The following TAB3 variants were observed in gnomAD, a reference collection of about 807,000 sequenced individuals.
TAB3 encodes the protein TGF-beta-activated kinase 1 and MAP3K7-binding protein 3.
Under a neutral mutation model 48.1 loss-of-function variants are expected in TAB3, and 18 were observed. The ratio of observed to expected loss-of-function variants is 0.37; its 90% confidence interval spans 0.26 to 0.55. The LOEUF (loss-of-function observed/expected upper bound fraction) is 0.55, where lower values mean the gene tolerates loss of function less well. Among genes scored for constraint, TAB3 ranks in the 20% least tolerant of loss-of-function variants. The pLI is 0.78. For synonymous variants in TAB3, 185 were observed against 190.2 expected (o/e 0.97, Z 0.22); for missense variants, 414 against 549.8 (o/e 0.75, Z 2.47).
At chrX:30,885,672 A>G (rs1395719635) in intron 1 of TAB3, among the ~76,000 whole-genome samples, 1 of 111,886 alleles carries the variant, frequency 8.9e-6, no homozygotes. Context: ...ATGAGTGTAC[A>G]GTGCCTGTTC....
intron 6 of TAB3, among the ~76,000 whole-genome samples, chrX:30,853,242 G>A (rs1486505495): frequency 3.6e-5 from 4 of 112,042 alleles, no homozygotes; most frequent in Non-Finnish European, 7.5e-5. Flanking sequence ...CTTATATACT[G>A]AAAGAAAACT....
intron 4 of TAB3, among the ~76,000 whole-genome samples, chrX:30,860,811 A>G (rs908818922): frequency 8.9e-6 from 1 of 112,146 alleles, no homozygotes; most frequent in Non-Finnish European, 1.9e-5. Context: ...GAAGTATTCT[A>G]TCAATGTTAA....
chrX:30,880,844 A>C (rs1414725751), intron 1 of TAB3, among the ~76,000 whole-genome samples: 3 of 111,596 alleles, frequency 2.7e-5, no homozygotes, highest in Non-Finnish European at 5.7e-5. Flanking sequence ...TAACATTTAA[A>C]AAAATTTAAC....
At chrX:30,847,673 A>T (rs1387007081) in intron 7 of TAB3, among the ~76,000 whole-genome samples, 2 of 111,141 alleles carry the variant, frequency 1.8e-5, no homozygotes, top group African/African-American at 6.5e-5. Flanking sequence ...ACAGAACAAA[A>T]TCCTATTCTG....
Position 30,868,465 on chromosome X carries a change from AGCT to A in TAB3, c.-279-919_-279-917del, listed in dbSNP as rs1428193573. On this transcript the variant is annotated intron_variant, in intron 2 of 10. Coordinates refer to ENST00000288422, the MANE Select transcript of TAB3 (RefSeq NM_152787.5). ...ATATATATAGCTTATATATATATAT[AGCT>A]TATATATATAGCTTATATATATATA... Among the ~76,000 whole-genome samples, 26 of 34,669 alleles carry A rather than the reference AGCT, an allele frequency of 7.5e-4. 2 individuals carry two copies. Among genetic ancestry groups the A allele is most frequent in the African/African-American group, 3.1e-3 (23 of 7,340 alleles). The allele number at this position is 34,669 out of a possible 115,157, so 30.1% of individuals were successfully genotyped here.
chrX:30,877,289 AAC>A (rs940431867), intron 1 of TAB3, among the ~76,000 whole-genome samples: 13 of 112,166 alleles, frequency 1.2e-4, no homozygotes, highest in Non-Finnish European at 2.4e-4. Flanking sequence ...GACAAATAAA[AAC>A]AGAGTTCATC....
chrX:30,854,431 T>G lies in TAB3; in HGVS notation c.1234A>C (p.Arg412=), dbSNP rs761891315. 2.5e-6 allele frequency: 3 copies of G among 1,209,787 alleles called. No individual in the cohort carries two copies. The highest frequency in any genetic ancestry group is 2.2e-5 in the Admixed American group (1 of 45,793). Residue 412 remains arginine (R), a synonymous_variant, in exon 6 of 11, where the codon AGA becomes CGA. Coordinates refer to ENST00000288422, the MANE Select transcript of TAB3 (RefSeq NM_152787.5). Reference sequence around the variant, plus strand: ...GGTTTTGGTTGACTAGATATCCCTCTTGAAGGAGAACTTGAAGGTGGCGTG... The same window carrying G: ...GGTTTTGGTTGACTAGATATCCCTCGTGAAGGAGAACTTGAAGGTGGCGTG... ...ATTPPSSSPS[R]GISSQPKPPF...
At chrX:30,847,890 A>G (rs1360580398) in intron 7 of TAB3, among the ~76,000 whole-genome samples, 3 of 112,297 alleles carry the variant, frequency 2.7e-5, no homozygotes, top group East Asian at 2.8e-4. Context: ...AGGAACAAAA[A>G]AAGTCGTTTA....
chrX:30,838,397 T>A (rs1414186300), intron 9 of TAB3, among the ~76,000 whole-genome samples: 1 of 112,250 alleles, frequency 8.9e-6, no homozygotes, highest in Non-Finnish European at 1.9e-5. Flanking sequence ...CAAGTGATCC[T>A]CCTGCCTTGG....
intron 9 of TAB3, among the ~76,000 whole-genome samples, chrX:30,841,981 GTAT>G (rs1938461504): frequency 8.9e-6 from 1 of 112,118 alleles, no homozygotes; most frequent in East Asian, 2.8e-4. Context: ...GCTAATTTTT[GTAT>G]TTTTAGTAGA....
At chrX:30,882,235 T>C (rs1415690602) in intron 1 of TAB3, among the ~76,000 whole-genome samples, 1 of 112,249 alleles carries the variant, frequency 8.9e-6, no homozygotes, top group Non-Finnish European at 1.9e-5. Context: ...ACAAATGTTC[T>C]AAATTACTGA....
At chrX:30,873,200 T>A (rs1261293249) in intron 1 of TAB3, among the ~76,000 whole-genome samples, 1 of 111,933 alleles carries the variant, frequency 8.9e-6, no homozygotes, top group Non-Finnish European at 1.9e-5. Flanking sequence ...CAGCACAGGT[T>A]TGAATTATGT....
intron 4 of TAB3, among the ~76,000 whole-genome samples, chrX:30,865,312 T>C (rs746393528): frequency 1.8e-5 from 2 of 112,416 alleles, no homozygotes; most frequent in Admixed American, 1.9e-4. Flanking sequence ...TGAGTGAGCA[T>C]TTCCCAGGTT....
intron 5 of TAB3, among the ~76,000 whole-genome samples, chrX:30,856,138 A>G (rs1195373245): frequency 4.5e-5 from 5 of 111,788 alleles, no homozygotes; most frequent in Admixed American, 2.9e-4. Flanking sequence ...AATAACTTCA[A>G]CTGTCTGAAC....
chrX:30,852,086 A>G (rs1186370846), intron 7 of TAB3, among the ~76,000 whole-genome samples: 2 of 112,654 alleles, frequency 1.8e-5, no homozygotes, highest in Non-Finnish European at 3.8e-5. Context: ...CTAAATGTTG[A>G]AAGGTGAAAT....
At chrX:30,843,139 A>G (rs1938509093) in intron 8 of TAB3, 90 bp from the exon 9 acceptor site, 3 of 492,188 alleles carry the variant, frequency 6.1e-6, no homozygotes, top group East Asian at 3.9e-5. Context: ...AATAAAACAC[A>G]TAAGAAGGGA....
At chrX:30,838,580 T>C (rs1312381510) in intron 9 of TAB3, among the ~76,000 whole-genome samples, 2 of 112,563 alleles carry the variant, frequency 1.8e-5, no homozygotes, top group African/African-American at 6.4e-5. Flanking sequence ...GGGGTTATAA[T>C]TGGTATTACA....
chrX:30,844,625 A>G (rs972642055), intron 8 of TAB3: 5 of 112,346 alleles, frequency 4.5e-5, no homozygotes, highest in Non-Finnish European at 9.4e-5. Flanking sequence ...TATAGTAGCA[A>G]TAGTTTATGT....
chrX:30,834,890 C>G (rs1465121293), intron 9 of TAB3: 1 of 111,886 alleles, frequency 8.9e-6, no homozygotes, highest in East Asian at 2.8e-4. Flanking sequence ...CCTCAGCCTC[C>G]CAAAGTGTTG....
Sources: gnomAD v4.1 joint callset for allele counts (sites outside exome capture counted in the v4.1 genomes callset) on GRCh38, gnomAD v4.1.1 for gene constraint, MANE v1.5 for transcripts, NCBI Gene and HGNC (gene_info 2026-07-23, HGNC 2026-07-21) for gene names.